FRY: variants seen among roughly 807,000 people sequenced by gnomAD.
FRY encodes FRY microtubule binding protein, also known as protein furry homolog.
In FRY, 128 loss-of-function variants were observed where a neutral mutation model predicts 348.4. That is an observed-to-expected ratio of 0.37 (90% CI 0.32 to 0.43). FRY has a LOEUF of 0.43. Among genes scored for constraint, FRY ranks in the 20% least tolerant of loss-of-function variants. The probability of loss-of-function intolerance (pLI) is 1.00; values close to 1 mark genes in which losing one functional copy is unlikely to be tolerated. For missense variants in FRY, 2,736 were observed against 3,695.2 expected, an observed-to-expected ratio of 0.74 and a Z score of 6.73; for synonymous variants, 1,370 against 1,374.7, an observed-to-expected ratio of 1.00 and a Z score of 0.08.
intron 40 of FRY, 39 bp downstream of exon 40, chr13:32,228,693 G>T (rs369656399): frequency 6.3e-7 from 1 of 1,575,594 alleles, no homozygotes; most frequent in Non-Finnish European, 8.7e-7. Flanking sequence ...TTTGCAGGTT[G>T]GTCTTTCGGA....
chr13:32,208,936 G>C lies in FRY; in HGVS notation c.4102G>C (p.Glu1368Gln). The stretch of plus-strand genomic sequence containing the variant: ...CCTGCTGCCCTGGCTGCACAACATC[G>C]AGCTGGTGGACAGCAGGCTCCTCCT... ...TYLLPWLHNI[E>Q]LVDSRLLLPG... Residue 1368 changes from glutamate (E) to glutamine (Q), a missense_variant, in exon 32 of 61, where the codon GAG (glutamate) becomes CAG (glutamine). Glu to Gln is a conservative substitution (Grantham distance 29). This residue lies in a region of FRY where 794 missense variants were observed against 977.0 expected (regional missense o/e 0.81). Coordinates refer to ENST00000542859, the MANE Select transcript of FRY (RefSeq NM_023037.3). 6.2e-7 allele frequency: 1 copy of C among 1,613,980 alleles called. No individual in the cohort carries two copies.
At chr13:32,161,287 G>T (rs763365828) in intron 17 of FRY, 36 bp downstream of exon 17, 8 of 1,250,998 alleles carry the variant, frequency 6.4e-6, no homozygotes, top group Non-Finnish European at 7.1e-6. Flanking sequence ...AATTAATTTC[G>T]ATCCTTTGTT....
intron 17 of FRY, 104 bp from the exon 18 acceptor site, chr13:32,170,908 G>T (rs1366856942): frequency 4.5e-6 from 4 of 882,776 alleles, no homozygotes; most frequent in Non-Finnish European, 7.5e-6. Context: ...CCCATTTTCA[G>T]ACTCAAGTAG....
chr13:32,241,731 A>G (rs1400131749), intron 46 of FRY, among the ~76,000 whole-genome samples: 1 of 152,254 alleles, frequency 6.6e-6, no homozygotes, highest in African/African-American at 2.4e-5. Context: ...CACTTTTTAA[A>G]AAAATGGTTA....
Position 32,262,328 on chromosome 13 carries a change from C to G in FRY, c.7632C>G (p.Ser2544=), listed in dbSNP as rs1887694073. The part of the protein sequence containing the change: ...LEHSDLIMTL[S]PSEETNPMEL... ...TTTTTAAACAGATCATGACTCTCTCCCCCTCTGAAGAGACGAATCCCATGG... is the reference window on the plus strand; with the variant it reads ...TTTTTAAACAGATCATGACTCTCTCGCCCTCTGAAGAGACGAATCCCATGG... The change falls in exon 53 of 61, where the codon TCC becomes TCG. Residue 2544 remains serine, a synonymous_variant. Transcript: ENST00000542859. 1 of 1,613,172 alleles carries G rather than the reference C, an allele frequency of 6.2e-7. No individual in the cohort carries two copies. The highest frequency in any genetic ancestry group is 8.5e-7 in the Non-Finnish European group (1 of 1,179,366).
At chr13:32,046,084 A>G (rs772001378) in intron 1 of FRY, among the ~76,000 whole-genome samples, 43 of 152,218 alleles carry the variant, frequency 2.8e-4, no homozygotes, top group Non-Finnish European at 5.9e-4. Context: ...TTTAAATATC[A>G]TATTGTTCTG....
chr13:32,196,759 T>C (rs1883702021), intron 29 of FRY, among the ~76,000 whole-genome samples: 2 of 152,212 alleles, frequency 1.3e-5, no homozygotes, highest in Non-Finnish European at 2.9e-5. Context: ...GTATTAATTT[T>C]GCAAAATTTT....
Position 32,209,121 on chromosome 13 carries a change from G to C in FRY, c.4275+12G>C. The C allele has an allele frequency of 6.2e-7, 1 of 1,613,918 alleles. No individual in the cohort carries two copies. The highest frequency in any genetic ancestry group is 8.5e-7 in the Non-Finnish European group (1 of 1,180,014). ...ACATGACGGCCAAGGTAAACTCAGA[G>C]GAATTGTGCTTCAAATAGCATGGCT... On this transcript the variant is annotated intron_variant, in intron 32 of 60. Coordinates refer to ENST00000542859, the MANE Select transcript of FRY (RefSeq NM_023037.3).
At chr13:32,162,860 C>T (rs117051478) in intron 17 of FRY, among the ~76,000 whole-genome samples, 3,346 of 152,220 alleles carry the variant, frequency 0.022, 56 homozygotes, top group Non-Finnish European at 0.033. Context: ...AGAGTACATT[C>T]CCTGGAAGCA....
intron 2 of FRY, 53 bp downstream of exon 2, chr13:32,079,086 T>C: frequency 8.4e-7 from 1 of 1,184,216 alleles, no homozygotes; most frequent in Non-Finnish European, 1.3e-6. Context: ...GTATGCTGAA[T>C]ATACTAGATT....
chr13:32,169,788 G>A (rs1881951458), intron 17 of FRY, among the ~76,000 whole-genome samples: 1 of 152,182 alleles, frequency 6.6e-6, no homozygotes, highest in African/African-American at 2.4e-5. Context: ...AAAAGCCTTT[G>A]CTTATTAAAT....
chr13:32,264,007 G>A (rs993382020), intron 53 of FRY, among the ~76,000 whole-genome samples: 7 of 147,916 alleles, frequency 4.7e-5, no homozygotes, highest in African/African-American at 1.7e-4. Flanking sequence ...ACTCCATCTC[G>A]AAAAAAAAAA....
At chr13:32,045,364 T>G (rs961656455) in intron 1 of FRY, among the ~76,000 whole-genome samples, 1 of 152,124 alleles carries the variant, frequency 6.6e-6, no homozygotes, top group South Asian at 2.1e-4. Context: ...CTGCATCACC[T>G]CCCATCTGGA....
chr13:32,253,194 A>G (rs902467101), intron 50 of FRY, among the ~76,000 whole-genome samples: 1 of 152,212 alleles, frequency 6.6e-6, no homozygotes, highest in Non-Finnish European at 1.5e-5. Flanking sequence ...CTCACTGACT[A>G]GTTGACTAGC....
intron 4 of FRY, among the ~76,000 whole-genome samples, chr13:32,123,920 C>G (rs550476704): frequency 6.6e-6 from 1 of 152,124 alleles, no homozygotes; most frequent in Non-Finnish European, 1.5e-5. Context: ...AACCTCCGTC[C>G]GCCTCCCGGG....
At chr13:32,228,361 C>T in intron 39 of FRY, 95 bp from the exon 40 acceptor site, 1 of 921,064 alleles carries the variant, frequency 1.1e-6, no homozygotes, top group East Asian at 2.4e-5. Flanking sequence ...ATTTAAATAA[C>T]TCCACACTTC....
In FRY at chr13:32,135,125, TTG is replaced by T; in HGVS notation, c.1022_1023del (p.Val341GlyfsTer5). 6.2e-7 allele frequency: 1 copy of T among 1,613,214 alleles called. No individual in the cohort carries two copies. Among genetic ancestry groups the T allele is most frequent in the Non-Finnish European group, 8.5e-7 (1 of 1,179,142 alleles). ...GTAAATGTTCCCTGCCTTAGAAATTTTGTGGAAAGCCTGTATGACACCACGCT... is the reference window on the plus strand; with the variant it reads ...GTAAATGTTCCCTGCCTTAGAAATTTTGGAAAGCCTGTATGACACCACGCT... On this transcript the variant is annotated frameshift_variant, in exon 10 of 61. Transcript: ENST00000542859. LOFTEE classifies it high-confidence loss of function.
In FRY at chr13:32,173,529, A is replaced by G; in HGVS notation, c.2314A>G (p.Ile772Val). 6.2e-7 allele frequency: 1 copy of G among 1,613,556 alleles called. No homozygotes were observed. Among genetic ancestry groups the G allele is most frequent in the Non-Finnish European group, 8.5e-7 (1 of 1,179,782 alleles). The part of the protein sequence containing the change: ...LILKEIRALF[I>V]ALGQPEDDDR... ...ACTCAAGGAAATTCGAGCGTTGTTT[A>G]TTGCCCTGGGGCAGCCTGAGGTATG... Residue 772 changes from isoleucine to valine, a missense_variant, in exon 19 of 61, where the codon ATT (isoleucine) becomes GTT (valine). Around this residue, in one of 9 missense-constraint regions of FRY, gnomAD observed 449 missense variants for 576.9 expected, o/e 0.78. Coordinates refer to ENST00000542859, the MANE Select transcript of FRY (RefSeq NM_023037.3).
At chr13:32,193,591 C>CTTTTTTTTTTTT (rs71194514) in intron 28 of FRY, among the ~76,000 whole-genome samples, 1,836 of 130,018 alleles carry the variant, frequency 0.014, 144 homozygotes, top group African/African-American at 0.05. Flanking sequence ...AGTCTTCGTC[C>CTTTTTTTTTTTT]TTTTTTTTTT....
Sources: allele counts gnomAD v4.1 joint callset (sites outside exome capture counted in the v4.1 genomes callset), GRCh38; gene constraint gnomAD v4.1.1; regional missense constraint gnomAD v4.1.1; transcripts MANE v1.5; gene names NCBI Gene and HGNC (gene_info 2026-07-23, HGNC 2026-07-21).